The following CABLES1 variants were observed in gnomAD, a reference collection of about 807,000 sequenced individuals.
CABLES1 encodes CDK5 and ABL1 enzyme substrate 1.
A neutral mutation model predicts 57.8 loss-of-function variants in CABLES1; 36 were observed. That is an observed-to-expected ratio of 0.62 (90% CI 0.48 to 0.82). The LOEUF (loss-of-function observed/expected upper bound fraction) is 0.82, where lower values mean the gene tolerates loss of function less well. Among genes scored for constraint, CABLES1 ranks in the 40% least tolerant of loss-of-function variants. The pLI is 0.00. For missense variants in CABLES1, 767 were observed against 836.6 expected, an observed-to-expected ratio of 0.92 and a Z score of 1.03; for synonymous variants, 374 against 363.0, an observed-to-expected ratio of 1.03 and a Z score of -0.35.
intron 4 of CABLES1, among the ~76,000 whole-genome samples, chr18:23,217,778 C>T (rs1438253967): frequency 1.3e-5 from 2 of 152,252 alleles, no homozygotes; most frequent in South Asian, 2.1e-4. Flanking sequence ...TGCCTTTCCA[C>T]AGTGGAAAAT....
chr18:23,192,707 T>A (rs1345389800), intron 2 of CABLES1, among the ~76,000 whole-genome samples: 1 of 152,206 alleles, frequency 6.6e-6, no homozygotes, highest in African/African-American at 2.4e-5. Flanking sequence ...TCAGGGATTC[T>A]CCTCTTTCCA....
chr18:23,251,502 C>G (rs2048036863), intron 7 of CABLES1, among the ~76,000 whole-genome samples: 1 of 152,022 alleles, frequency 6.6e-6, no homozygotes, highest in Non-Finnish European at 1.5e-5. Context: ...AAGACCCAGC[C>G]TTGGCAAGTA....
At chr18:23,165,313 G>A (rs1048129467) in intron 1 of CABLES1, among the ~76,000 whole-genome samples, 31 of 151,998 alleles carry the variant, frequency 2.0e-4, no homozygotes, top group Admixed American at 1.6e-3. Context: ...GCTTAGGCTG[G>A]TCTCAAGCTC....
At chr18:23,207,307 T>G (rs749926484) in intron 3 of CABLES1, among the ~76,000 whole-genome samples, 1 of 152,184 alleles carries the variant, frequency 6.6e-6, no homozygotes, top group Non-Finnish European at 1.5e-5. Flanking sequence ...GAAACGCTGG[T>G]GAGTCAGGCA....
chr18:23,140,048 C>G (rs1045518953), intron 1 of CABLES1, among the ~76,000 whole-genome samples: 1 of 152,134 alleles, frequency 6.6e-6, no homozygotes, highest in Non-Finnish European at 1.5e-5. Flanking sequence ...CTGGGTTCCT[C>G]CCCGCCTCAC....
chr18:23,243,499 GT>G (rs2047792884), intron 7 of CABLES1, among the ~76,000 whole-genome samples: 1 of 47,126 alleles, frequency 2.1e-5, no homozygotes, highest in Non-Finnish European at 4.4e-5. Context: ...TGGTCTTTTT[GT>G]TGTTGTTAAC....
chr18:23,219,984 C>T (rs770434443), intron 4 of CABLES1, among the ~76,000 whole-genome samples: 7 of 152,004 alleles, frequency 4.6e-5, no homozygotes, highest in South Asian at 2.1e-4. Context: ...TGGTGTGGGC[C>T]GCGAGGCTAG....
intron 1 of CABLES1, among the ~76,000 whole-genome samples, chr18:23,143,304 C>G (rs143830949): frequency 2.0e-5 from 3 of 152,326 alleles, no homozygotes; most frequent in Non-Finnish European, 4.4e-5. Context: ...TTGGCCACAG[C>G]TGAATCCCTG....
chr18:23,186,447 C>T (rs534660757), intron 1 of CABLES1, among the ~76,000 whole-genome samples: 4 of 148,462 alleles, frequency 2.7e-5, no homozygotes, highest in South Asian at 2.1e-4. Context: ...TTCCCCAAGA[C>T]GGAGTTTTGC....
intron 3 of CABLES1, among the ~76,000 whole-genome samples, chr18:23,204,896 C>T (rs527403801): frequency 3.3e-5 from 5 of 152,192 alleles, no homozygotes; most frequent in Admixed American, 6.5e-5. Context: ...CATCGGGTCC[C>T]TCCCACAACA....
intron 3 of CABLES1, among the ~76,000 whole-genome samples, chr18:23,211,425 A>G (rs1246443202): frequency 6.6e-6 from 1 of 152,168 alleles, no homozygotes; most frequent in East Asian, 1.9e-4. Flanking sequence ...CTGCCCCTCC[A>G]TCTGGGAAGG....
chr18:23,152,509 C>T (rs1169377831), intron 1 of CABLES1, among the ~76,000 whole-genome samples: 3 of 123,910 alleles, frequency 2.4e-5, no homozygotes, highest in Admixed American at 9.1e-5. Context: ...TTTTTTGAGA[C>T]GGTCTCACTC....
At chr18:23,161,197 G>C (rs967684176) in intron 1 of CABLES1, among the ~76,000 whole-genome samples, 3 of 151,858 alleles carry the variant, frequency 2.0e-5, no homozygotes, top group Non-Finnish European at 4.4e-5. Flanking sequence ...TGACAGAGGG[G>C]AGACTCTGTC....
intron 4 of CABLES1, chr18:23,219,148 C>G (rs1361340356): frequency 6.6e-6 from 3 of 453,958 alleles, no homozygotes; most frequent in Non-Finnish European, 1.3e-5. Context: ...CTGGTGAGCA[C>G]CTACTGTGTG....
intron 7 of CABLES1, among the ~76,000 whole-genome samples, chr18:23,250,821 G>A (rs949827694): frequency 8.5e-5 from 13 of 152,346 alleles, no homozygotes; most frequent in African/African-American, 2.4e-4. Flanking sequence ...CCAAGTGTTC[G>A]AAAACTCTGA....
chr18:23,165,535 C>T (rs78626195), intron 1 of CABLES1, among the ~76,000 whole-genome samples: 3 of 151,856 alleles, frequency 2.0e-5, no homozygotes, highest in Non-Finnish European at 4.4e-5. Context: ...CTCCTGCCCC[C>T]CCAGTCCCTG....
intron 3 of CABLES1, chr18:23,204,465 G>A (rs2047348042): frequency 6.6e-6 from 1 of 152,186 alleles, no homozygotes; most frequent in Non-Finnish European, 1.5e-5. Flanking sequence ...TTGATTTGAA[G>A]AAATAAAAGC....
At position 23,259,163 on chromosome 18, in the gene CABLES1, A is replaced by T. The variant is rs1000879110; in HGVS notation, c.*1796A>T. On this transcript the variant is annotated 3_prime_UTR_variant, in exon 10 of 10. Coordinates refer to ENST00000256925, the MANE Select transcript of CABLES1 (RefSeq NM_001100619.3). ...ACAAAATGCCCTTGGCCTTCCTCAC[A>T]TGGGGTCTGTCACCTTGCATCTCTG... is the stretch of plus-strand genomic sequence containing the variant. The T allele has an allele frequency of 6.6e-6, 1 of 152,198 alleles. No homozygotes were observed. The highest frequency in any genetic ancestry group is 2.4e-5 in the African/African-American group (1 of 41,424). 9.4% of individuals were successfully genotyped at this position (152,198 alleles called of 1,614,324 possible). A position where few individuals can be genotyped will look rare whatever the true frequency, so the allele number is the denominator to read the frequency against.
chr18:23,204,971 G>A (rs1598828620), intron 3 of CABLES1, among the ~76,000 whole-genome samples: 3 of 152,134 alleles, frequency 2.0e-5, no homozygotes, highest in African/African-American at 4.8e-5. Context: ...AAACCCTATC[G>A]GCAGTTCTGT....
Sources: gnomAD v4.1 joint callset for allele counts (sites outside exome capture counted in the v4.1 genomes callset) on GRCh38, gnomAD v4.1.1 for gene constraint, MANE v1.5 for transcripts, NCBI Gene and HGNC (gene_info 2026-07-23, HGNC 2026-07-21) for gene names.